Variants in GPATCH8 observed in about 807,000 individuals in gnomAD.
The protein encoded by GPATCH8 is G-patch domain containing 8, also known as G patch domain-containing protein 8.
GPATCH8 carries 18 observed loss-of-function variants against 118.3 expected under a neutral mutation model. The observed-to-expected ratio is 0.15, with a 90% CI of 0.11 to 0.23. The LOEUF (loss-of-function observed/expected upper bound fraction) is 0.23. Ranked by LOEUF, GPATCH8 falls within the 10% of genes least tolerant of loss-of-function variation. The pLI, the probability that GPATCH8 is intolerant of heterozygous loss-of-function variation, is 1.00. For missense variants in GPATCH8, 1,631 were observed against 1,873.8 expected (o/e 0.87, Z 2.39); for synonymous variants, 659 against 684.7 (o/e 0.96, Z 0.59).
At chr17:44,487,878 GATGGTGTTT>G (rs1475663480) in intron 1 of GPATCH8, among the ~76,000 whole-genome samples, 2 of 151,214 alleles carry the variant, frequency 1.3e-5, no homozygotes. Context: ...TGAGGGAGTT[GATGGTGTTT>G]ATGTTTTTGT....
At chr17:44,440,592 G>T (rs2050655067) in intron 3 of GPATCH8, among the ~76,000 whole-genome samples, 1 of 152,110 alleles carries the variant, frequency 6.6e-6, no homozygotes, top group South Asian at 2.1e-4. Flanking sequence ...TTAAAAGGCA[G>T]TTTTACTTAT....
intron 2 of GPATCH8, among the ~76,000 whole-genome samples, chr17:44,466,113 G>C (rs1434960111): frequency 6.6e-6 from 1 of 152,050 alleles, no homozygotes; most frequent in African/African-American, 2.4e-5. Context: ...GACCTCCTGG[G>C]CTCAAGCAAT....
At chr17:44,459,788 G>T (rs377617339) in intron 3 of GPATCH8, among the ~76,000 whole-genome samples, 2 of 152,090 alleles carry the variant, frequency 1.3e-5, no homozygotes, top group South Asian at 2.1e-4. Context: ...CAGGAACCAT[G>T]TCTTATCTAC....
At chr17:44,414,139 ATATG>A (rs1438901439) in intron 6 of GPATCH8, among the ~76,000 whole-genome samples, 1 of 134,522 alleles carries the variant, frequency 7.4e-6, no homozygotes, top group African/African-American at 3.3e-5. Flanking sequence ...GTATATATAT[ATATG>A]TGTATATATA....
At chr17:44,494,744 A>T (rs1355691626) in intron 1 of GPATCH8, among the ~76,000 whole-genome samples, 1 of 152,224 alleles carries the variant, frequency 6.6e-6, no homozygotes, top group Non-Finnish European at 1.5e-5. Context: ...AACAAACTAT[A>T]GCTGAATTAA....
At position 44,398,281 on chromosome 17, in the gene GPATCH8, C is replaced by G; in HGVS notation, c.3796G>C (p.Glu1266Gln). The change falls in exon 8 of 8, where the codon GAG becomes CAG. Residue 1266 changes from glutamate to glutamine, a missense_variant. Glu to Gln is a conservative substitution (Grantham distance 29). Around this residue, in one of 8 missense-constraint regions of GPATCH8, gnomAD observed 922 missense variants for 879.7 expected, o/e 1.05. Transcript: ENST00000591680. ...GGTGCTATAGGCAGCAAGCTGGACTCCACAGGGCCTGGCTGACTGCTGCTA... is the reference window on the plus strand; with the variant it reads ...GGTGCTATAGGCAGCAAGCTGGACTGCACAGGGCCTGGCTGACTGCTGCTA... ...LDSSSQPGPV[E>Q]SSLLPIAPDL... is the part of the protein sequence containing the mutation. 6.2e-7 allele frequency: 1 copy of G among 1,613,730 alleles called. No individual in the cohort carries two copies. The highest frequency in any genetic ancestry group is 8.5e-7 in the Non-Finnish European group (1 of 1,179,808).
intron 2 of GPATCH8, among the ~76,000 whole-genome samples, chr17:44,470,166 GCATTCTGCCTTCTATATAGCTTAAAGT>G (rs1247252182): frequency 2.6e-5 from 4 of 152,218 alleles, no homozygotes; most frequent in Non-Finnish European, 1.5e-5. Flanking sequence ...TATGATGCAT[GCATTCTGCCTTCTATATAGCTTAAAGT>G]CATTCTCCCA....
At chr17:44,439,001 A>C (rs2050602936) in intron 3 of GPATCH8, among the ~76,000 whole-genome samples, 1 of 152,192 alleles carries the variant, frequency 6.6e-6, no homozygotes, top group Non-Finnish European at 1.5e-5. Flanking sequence ...TCTAGTTTCC[A>C]ATCTTTCATT....
Position 44,424,269 on chromosome 17 carries a change from T to A in GPATCH8, c.492+80A>T. On this transcript the variant is annotated intron_variant, in intron 6 of 7. Transcript: ENST00000591680. ...CACAAGAAATCATAGACACCAAGTTTTGGGGGGTATACTCATAAAATCCAA... is the reference window on the plus strand; with the variant it reads ...CACAAGAAATCATAGACACCAAGTTATGGGGGGTATACTCATAAAATCCAA... The A allele has an allele frequency of 3.1e-6, 3 of 958,994 alleles. No individual in the cohort carries two copies. The South Asian group carries it at 3.9e-5, about 12-fold the overall frequency. The allele number at this position is 958,994 out of a possible 1,614,324, so 59.4% of individuals were successfully genotyped here.
intron 1 of GPATCH8, 57 bp downstream of exon 1, chr17:44,503,269 G>T (rs1436112408): frequency 2.1e-6 from 3 of 1,452,036 alleles, no homozygotes; most frequent in Non-Finnish European, 2.9e-6. Flanking sequence ...CGGAGATGAA[G>T]GAGGTTCTGG....
At chr17:44,406,174 T>C (rs1196932957) in intron 6 of GPATCH8, 123 bp from the exon 7 acceptor site, 2 of 741,520 alleles carry the variant, frequency 2.7e-6, no homozygotes, top group African/African-American at 1.7e-5. Flanking sequence ...GAACACATTA[T>C]CATATTCTCT....
At chr17:44,443,103 C>T (rs2050759358) in intron 3 of GPATCH8, among the ~76,000 whole-genome samples, 1 of 151,950 alleles carries the variant, frequency 6.6e-6, no homozygotes, top group Admixed American at 6.6e-5. Context: ...GGAAAAAAGA[C>T]CATTAAACTG....
intron 1 of GPATCH8, among the ~76,000 whole-genome samples, chr17:44,476,629 T>C (rs1321261999): frequency 6.6e-6 from 1 of 152,238 alleles, no homozygotes; most frequent in Non-Finnish European, 1.5e-5. Context: ...TATTTTAAAC[T>C]AAATCTGCTA....
At chr17:44,461,393 C>G (rs148184979) in intron 3 of GPATCH8, among the ~76,000 whole-genome samples, 1 of 151,804 alleles carries the variant, frequency 6.6e-6, no homozygotes, top group Non-Finnish European at 1.5e-5. Flanking sequence ...CTATATTGCC[C>G]AGGCTGGTCT....
intron 6 of GPATCH8, among the ~76,000 whole-genome samples, chr17:44,414,111 A>ATG (rs2049568580): frequency 1.2e-5 from 1 of 82,826 alleles, no homozygotes; most frequent in Non-Finnish European, 2.6e-5. Flanking sequence ...GTGTGTATAT[A>ATG]TATATGTATA....
chr17:44,496,140 G>A (rs773795464), intron 1 of GPATCH8, among the ~76,000 whole-genome samples: 1 of 152,132 alleles, frequency 6.6e-6, no homozygotes, highest in Non-Finnish European at 1.5e-5. Flanking sequence ...AAAATGCCGG[G>A]ATTATAGGCG....
chr17:44,400,733 C>T lies in GPATCH8; in HGVS notation c.1344G>A (p.Ala448=), dbSNP rs759187106. The T allele has an allele frequency of 3.1e-6, 5 of 1,612,402 alleles. No homozygotes were observed. In the African/African-American group the frequency reaches 5.3e-5, roughly 17 times the overall value. The stretch of plus-strand genomic sequence containing the variant: ...TCTTTTCTGCTCCTTGGCTTGCTGC[C>T]GCCTTGATGCAGCTTTTAGGCTTGG... ...SSPKPKSCIK[A]AASQGAEKTV... The change falls in exon 8 of 8, where the codon GCG becomes GCA. Residue 448 remains alanine, a synonymous_variant. Transcript: ENST00000591680.
In GPATCH8 at chr17:44,398,690, A is replaced by C; in HGVS notation, c.3387T>G (p.Gly1129=). ...ATGGGGGGAGCTTGGGCCCAAAGTA[A>C]CCTTGTGGGGGGTCCTTGAGCTTGG... ...AGPKLKDPPQ[G]YFGPKLPPSL... Residue 1129 remains glycine, a synonymous_variant, in exon 8 of 8, where the codon GGT becomes GGG. Coordinates refer to ENST00000591680, the MANE Select transcript of GPATCH8 (RefSeq NM_001002909.4). The C allele has an allele frequency of 6.3e-7, 1 of 1,584,034 alleles. No individual in the cohort carries two copies. Among genetic ancestry groups the C allele is most frequent in the Non-Finnish European group, 8.6e-7 (1 of 1,163,720 alleles).
chr17:44,453,745 T>C (rs1017397657), intron 3 of GPATCH8, among the ~76,000 whole-genome samples: 5 of 152,118 alleles, frequency 3.3e-5, no homozygotes, highest in African/African-American at 1.2e-4. Context: ...TTGCCCAGGC[T>C]GGTCTCAAAC....
Sources: allele counts gnomAD v4.1 joint callset (sites outside exome capture counted in the v4.1 genomes callset), GRCh38; gene constraint gnomAD v4.1.1; regional missense constraint gnomAD v4.1.1; transcripts MANE v1.5; gene names NCBI Gene and HGNC (gene_info 2026-07-23, HGNC 2026-07-21).